The following CDK17 variants were observed in gnomAD, a reference collection of about 807,000 sequenced individuals.
The protein encoded by CDK17 is cyclin dependent kinase 17.
In CDK17, 24 loss-of-function variants were observed where a neutral mutation model predicts 77.6. That is an observed-to-expected ratio of 0.31 (90% confidence interval 0.22 to 0.44). The LOEUF (loss-of-function observed/expected upper bound fraction) is 0.44. Ranked by LOEUF, CDK17 falls within the 20% of genes least tolerant of loss-of-function variation. CDK17 has a pLI of 1.00. For missense variants in CDK17, 429 were observed against 622.5 expected (o/e 0.69, Z 3.31); for synonymous variants, 203 against 210.4 (o/e 0.96, Z 0.30).
chr12:96,293,682 G>C (rs1045417933), intron 10 of CDK17, among the ~76,000 whole-genome samples: 3 of 152,060 alleles, frequency 2.0e-5, no homozygotes, highest in Admixed American at 6.6e-5. Flanking sequence ...ACTTTAAATG[G>C]GTCTTTTATC....
intron 1 of CDK17, among the ~76,000 whole-genome samples, chr12:96,338,708 A>G (rs1423709297): frequency 1.3e-5 from 2 of 151,662 alleles, no homozygotes; most frequent in African/African-American, 4.8e-5. Context: ...TGTTATTAAT[A>G]TAATAGTTAT....
chr12:96,286,167 T>A lies in CDK17; in HGVS notation c.1217-19A>T, dbSNP rs925767459. The A allele has an allele frequency of 4.2e-5, 27 of 639,034 alleles. No individual in the cohort carries two copies. Among genetic ancestry groups the A allele is most frequent in the East Asian group, 8.6e-5 (2 of 23,244 alleles). 39.6% of individuals were successfully genotyped at this position (639,034 alleles called of 1,614,324 possible). A position where few individuals can be genotyped will look rare whatever the true frequency, so the allele number is the denominator to read the frequency against. On this transcript the variant is annotated intron_variant, in intron 12 of 16. Coordinates refer to ENST00000261211, the MANE Select transcript of CDK17 (RefSeq NM_002595.5). Reference sequence around the variant, plus strand: ...GGAGTTCCTGAATTAAAAAAAAAAATTAAATATATTTATAAATATATATAA... The same window carrying A: ...GGAGTTCCTGAATTAAAAAAAAAAAATAAATATATTTATAAATATATATAA...
chr12:96,296,494 A>T (rs1952408282), intron 9 of CDK17, among the ~76,000 whole-genome samples: 1 of 152,210 alleles, frequency 6.6e-6, no homozygotes, highest in South Asian at 2.1e-4. Flanking sequence ...ATATTTTTTT[A>T]AAATGTAAGT....
chr12:96,337,976 C>G (rs1330981254), intron 1 of CDK17, among the ~76,000 whole-genome samples: 2 of 152,166 alleles, frequency 1.3e-5, no homozygotes, highest in African/African-American at 4.8e-5. Flanking sequence ...ATAACTGACA[C>G]CTTGGATCAT....
At chr12:96,313,523 G>C in intron 3 of CDK17, 69 bp from the exon 4 acceptor site, 1 of 882,840 alleles carries the variant, frequency 1.1e-6, no homozygotes, top group African/African-American at 1.8e-5. Flanking sequence ...ATCACTATGG[G>C]TAAAATATAG....
At chr12:96,334,901 A>G in intron 1 of CDK17, 36 bp from the exon 2 acceptor site, 1 of 870,976 alleles carries the variant, frequency 1.1e-6, no homozygotes, top group South Asian at 1.4e-5. Context: ...CTAAAGCTAT[A>G]AATATTTTAC....
Position 96,279,001 on chromosome 12 carries a change from A to G in CDK17, c.*1241T>C, listed in dbSNP as rs1371186844. On this transcript the variant is annotated 3_prime_UTR_variant, in exon 17 of 17. Coordinates refer to ENST00000261211, the MANE Select transcript of CDK17 (RefSeq NM_002595.5). Reference sequence around the variant, plus strand: ...TAAGTTATGACTATTTTCATGATATATAAGGCAAAAATTTACACGACCATT... The same window carrying G: ...TAAGTTATGACTATTTTCATGATATGTAAGGCAAAAATTTACACGACCATT... The G allele has an allele frequency of 1.3e-5, 2 of 152,604 alleles. No homozygotes were observed. Among genetic ancestry groups the G allele is most frequent in the Non-Finnish European group, 2.9e-5 (2 of 67,986 alleles). The allele number at this position is 152,604 out of a possible 1,614,324, so 9.5% of individuals were successfully genotyped here. A position where few individuals can be genotyped will look rare whatever the true frequency, so the allele number is the denominator to read the frequency against.
intron 2 of CDK17, among the ~76,000 whole-genome samples, chr12:96,324,774 A>G (rs961403900): frequency 6.6e-6 from 1 of 150,402 alleles, no homozygotes; most frequent in South Asian, 2.1e-4. Context: ...CTCAAAAAGA[A>G]AAAAAAAAAG....
chr12:96,280,161 A>G lies in CDK17; in HGVS notation c.*81T>C. On this transcript the variant is annotated 3_prime_UTR_variant, in exon 17 of 17. Transcript: ENST00000261211. ...GACAAACGGAGATTCCAAGTCCACCAAAAGAAATAATTGCCTTCAGTTCTG... is the reference window on the plus strand; with the variant it reads ...GACAAACGGAGATTCCAAGTCCACCGAAAGAAATAATTGCCTTCAGTTCTG... 3 of 1,422,000 alleles carry G rather than the reference A, an allele frequency of 2.1e-6. No individual in the cohort carries two copies. Among genetic ancestry groups the G allele is most frequent in the Non-Finnish European group, 2.9e-6 (3 of 1,048,770 alleles). 88.1% of individuals were successfully genotyped at this position (1,422,000 alleles called of 1,614,324 possible).
intron 11 of CDK17, among the ~76,000 whole-genome samples, chr12:96,287,239 A>G (rs1265277445): frequency 6.6e-6 from 1 of 152,130 alleles, no homozygotes; most frequent in Non-Finnish European, 1.5e-5. Flanking sequence ...AGACGTTTTG[A>G]TGCAGGAAGC....
intron 5 of CDK17, chr12:96,303,537 C>A (rs1417143108): frequency 1.3e-5 from 2 of 151,992 alleles, no homozygotes; most frequent in African/African-American, 2.4e-5. Flanking sequence ...AATATAAGAG[C>A]CCCCTTAATG....
At chr12:96,300,246 G>A in intron 6 of CDK17, 58 bp downstream of exon 6, 2 of 1,121,146 alleles carry the variant, frequency 1.8e-6, no homozygotes, top group Admixed American at 3.8e-5. Context: ...TGGAGTAACA[G>A]AGTTTGAATG....
intron 1 of CDK17, among the ~76,000 whole-genome samples, chr12:96,379,945 G>T (rs1045773990): frequency 6.6e-6 from 1 of 151,880 alleles, no homozygotes; most frequent in African/African-American, 2.4e-5. Context: ...AAGGCAGGAG[G>T]ATCGCTTGAG....
intron 1 of CDK17, among the ~76,000 whole-genome samples, chr12:96,375,908 G>A (rs998397457): frequency 6.6e-6 from 1 of 152,042 alleles, no homozygotes; most frequent in Non-Finnish European, 1.5e-5. Flanking sequence ...TTAAAGTCAG[G>A]CCTCATTCCC....
intron 5 of CDK17, among the ~76,000 whole-genome samples, chr12:96,302,623 A>G (rs961454781): frequency 6.6e-6 from 1 of 152,178 alleles, no homozygotes; most frequent in Non-Finnish European, 1.5e-5. Flanking sequence ...CACACGGGAA[A>G]TAAGACTGTA....
chr12:96,283,610 A>G lies in CDK17; in HGVS notation c.1358T>C (p.Phe453Ser). Residue 453 changes from phenylalanine (F) to serine (S), a missense_variant, in exon 14 of 17, where the codon TTT becomes TCT. Transcript: ENST00000261211. ...DSEGIELITKFLQYESKKRVS... is the reference protein window; with the variant it reads ...DSEGIELITKSLQYESKKRVS... ...CTGTAAGAACTGACTTACCTGAAGA[A>G]ATTTTGTTATCAACTCAATTCCTTC... 1 of 1,596,346 alleles carries G rather than the reference A, an allele frequency of 6.3e-7. No individual in the cohort carries two copies. Among genetic ancestry groups the G allele is most frequent in the Non-Finnish European group, 8.6e-7 (1 of 1,165,952 alleles).
At chr12:96,347,409 CA>C (rs1451080727) in intron 1 of CDK17, among the ~76,000 whole-genome samples, 2 of 151,388 alleles carry the variant, frequency 1.3e-5, no homozygotes, top group Non-Finnish European at 2.9e-5. Context: ...ACTAAAAATA[CA>C]AAAGAAGCTA....
At chr12:96,298,462 C>T (rs888041656) in intron 7 of CDK17, among the ~76,000 whole-genome samples, 2 of 152,098 alleles carry the variant, frequency 1.3e-5, no homozygotes, top group Non-Finnish European at 2.9e-5. Flanking sequence ...TTACAAGGAA[C>T]CATTTTTCCC....
intron 1 of CDK17, among the ~76,000 whole-genome samples, chr12:96,383,429 A>G (rs936131652): frequency 6.6e-6 from 1 of 151,550 alleles, no homozygotes; most frequent in African/African-American, 2.4e-5. Flanking sequence ...CTCTTCTAAG[A>G]TTCATACAGA....
Sources: gnomAD v4.1 joint callset for allele counts (sites outside exome capture counted in the v4.1 genomes callset) on GRCh38, gnomAD v4.1.1 for gene constraint, MANE v1.5 for transcripts, NCBI Gene and HGNC (gene_info 2026-07-23, HGNC 2026-07-21) for gene names.